The following PRELID2 variants were observed in gnomAD, a reference collection of about 807,000 sequenced individuals.
PRELID2 encodes PRELI domain-containing protein 2.
Under a neutral mutation model 28.4 loss-of-function variants are expected in PRELID2, and 25 were observed. The ratio of observed to expected loss-of-function variants is 0.88; its 90% CI spans 0.64 to 1.23. The LOEUF is 1.23. Among genes scored for constraint, PRELID2 ranks in the 50% most tolerant of loss-of-function variants. PRELID2 has a pLI of 0.00. For synonymous variants in PRELID2, 76 were observed against 71.6 expected (o/e 1.06, Z -0.31); for missense variants, 201 against 214.4 (o/e 0.94, Z 0.39).
In PRELID2 at chr5:145,776,469, AAAG is replaced by A. The variant is rs869172364; in HGVS notation, c.475-11472_475-11470del. Among the ~76,000 whole-genome samples, 11 of 152,034 alleles carry A rather than the reference AAAG, an allele frequency of 7.2e-5. No homozygotes were observed. The South Asian group carries it at 1.7e-3, about 23-fold the overall frequency. On this transcript the variant is annotated intron_variant, in intron 5 of 6. Transcript: ENST00000683046. ...GGTGAAAGTTCTCAAATGAAGAAAG[AAAG>A]AAAAAAAAATCATATGCTGAGGTTG...
the PRELID2 span, among the ~76,000 whole-genome samples, chr5:145,431,124 A>C: frequency 6.6e-6 from 1 of 151,074 alleles, no homozygotes; most frequent in Non-Finnish European, 1.5e-5. Flanking sequence ...CTTAAAACAA[A>C]ATACGGTGGG....
the PRELID2 span, among the ~76,000 whole-genome samples, chr5:145,433,292 A>G: frequency 6.6e-6 from 1 of 152,072 alleles, no homozygotes; most frequent in Non-Finnish European, 1.5e-5. Context: ...TCTGCCTTGG[A>G]GTATGTGAGG....
chr5:145,597,853 G>T (rs917670645), intron 1 of PRELID2, among the ~76,000 whole-genome samples: 2 of 152,144 alleles, frequency 1.3e-5, no homozygotes, highest in Non-Finnish European at 2.9e-5. Flanking sequence ...TTTGCTCAAT[G>T]AATTGCATTG....
intron 1 of PRELID2, among the ~76,000 whole-genome samples, chr5:145,696,919 T>A (rs562342056): frequency 1.4e-4 from 21 of 150,982 alleles, no homozygotes; most frequent in African/African-American, 3.9e-4. Context: ...CAGACCACTT[T>A]TGGTAATAAA....
intron 1 of PRELID2, among the ~76,000 whole-genome samples, chr5:145,608,940 CTTT>C (rs1753567414): frequency 6.6e-6 from 1 of 152,092 alleles, no homozygotes. Flanking sequence ...GTTCATTCTT[CTTT>C]ATTTGTTCAT....
chr5:145,324,650 T>C, the PRELID2 span, among the ~76,000 whole-genome samples: 1 of 152,218 alleles, frequency 6.6e-6, no homozygotes, highest in African/African-American at 2.4e-5. Flanking sequence ...ATAATGCTTA[T>C]TGAATGCCTA....
At chr5:145,383,489 A>G in the PRELID2 span, among the ~76,000 whole-genome samples, 1 of 151,566 alleles carries the variant, frequency 6.6e-6, no homozygotes, top group Non-Finnish European at 1.5e-5. Flanking sequence ...AGATAAATAT[A>G]ATAAAATAGA....
chr5:145,745,453 C>A (rs938323819), intron 1 of PRELID2, among the ~76,000 whole-genome samples: 1 of 152,104 alleles, frequency 6.6e-6, no homozygotes, highest in African/African-American at 2.4e-5. Context: ...TTAAAGGTGG[C>A]CAAAAAGAAA....
the PRELID2 span, among the ~76,000 whole-genome samples, chr5:145,317,407 G>T: frequency 6.6e-6 from 1 of 152,206 alleles, no homozygotes; most frequent in Non-Finnish European, 1.5e-5. Flanking sequence ...TGTGGCCCCA[G>T]AGAGCAAGCC....
chr5:145,707,404 G>T (rs1271387566), intron 1 of PRELID2, among the ~76,000 whole-genome samples: 1 of 152,140 alleles, frequency 6.6e-6, no homozygotes, highest in African/African-American at 2.4e-5. Context: ...CGGAAAGAAG[G>T]TAATTTCTGT....
At chr5:145,269,685 G>A in the PRELID2 span, among the ~76,000 whole-genome samples, 1 of 150,826 alleles carries the variant, frequency 6.6e-6, no homozygotes. Context: ...CCATTAAGAA[G>A]AGAAGACGAG....
At chr5:145,406,615 T>C in the PRELID2 span, among the ~76,000 whole-genome samples, 2 of 152,204 alleles carry the variant, frequency 1.3e-5, no homozygotes, top group African/African-American at 2.4e-5. Context: ...CAGAACAGCA[T>C]GTGGAGACTC....
At chr5:145,465,493 T>C in the PRELID2 span, among the ~76,000 whole-genome samples, 5 of 152,128 alleles carry the variant, frequency 3.3e-5, no homozygotes, top group African/African-American at 1.2e-4. Context: ...AGTAGGAAGA[T>C]ACAGTAATTG....
At chr5:145,681,347 T>C (rs1257831721) in intron 1 of PRELID2, among the ~76,000 whole-genome samples, 1 of 152,176 alleles carries the variant, frequency 6.6e-6, no homozygotes, top group Non-Finnish European at 1.5e-5. Flanking sequence ...CTTGGCTACA[T>C]GATATGGTTG....
chr5:145,454,572 T>A, the PRELID2 span, among the ~76,000 whole-genome samples: 1 of 152,154 alleles, frequency 6.6e-6, no homozygotes, highest in Non-Finnish European at 1.5e-5. Context: ...GATAAGCAAT[T>A]TCAGCAAAGT....
chr5:145,510,904 C>G (rs924111747), intron 1 of PRELID2, among the ~76,000 whole-genome samples: 2 of 152,304 alleles, frequency 1.3e-5, no homozygotes, highest in South Asian at 4.1e-4. Flanking sequence ...CCTTTAGGTG[C>G]CCAGTTTTGG....
chr5:145,418,091 T>C, the PRELID2 span, among the ~76,000 whole-genome samples: 4 of 152,078 alleles, frequency 2.6e-5, no homozygotes, highest in Non-Finnish European at 5.9e-5. Flanking sequence ...AGCATTTTTA[T>C]ACACCAATAA....
chr5:145,453,527 A>G, the PRELID2 span, among the ~76,000 whole-genome samples: 1 of 152,136 alleles, frequency 6.6e-6, no homozygotes, highest in South Asian at 2.1e-4. Flanking sequence ...GGTTTGTTAC[A>G]TAGGTATACA....
chr5:145,313,934 G>T, the PRELID2 span, among the ~76,000 whole-genome samples: 1 of 152,122 alleles, frequency 6.6e-6, no homozygotes. Context: ...AACATCAAAA[G>T]CTAACAGTAT....
Sources: allele counts gnomAD v4.1 joint callset (sites outside exome capture counted in the v4.1 genomes callset), GRCh38; gene constraint gnomAD v4.1.1; transcripts MANE v1.5; gene names NCBI Gene and HGNC (gene_info 2026-07-23, HGNC 2026-07-21).